Variants in SEC61A2 observed in about 807,000 individuals in gnomAD.
SEC61A2 encodes protein transport protein Sec61 subunit alpha isoform 2.
In SEC61A2, 28 loss-of-function variants were observed where a neutral mutation model predicts 59.9. The observed-to-expected ratio is 0.47, with a 90% CI of 0.35 to 0.64. SEC61A2 has a LOEUF of 0.64. SEC61A2 is among the 30% of genes least tolerant of loss of function. SEC61A2 has a pLI of 0.01. For synonymous variants in SEC61A2, 202 were observed against 214.4 expected (o/e 0.94, Z 0.50); for missense variants, 340 against 585.9 (o/e 0.58, Z 4.33).
At chr10:12,147,880 A>G (rs1834179076) in intron 4 of SEC61A2, among the ~76,000 whole-genome samples, 1 of 151,908 alleles carries the variant, frequency 6.6e-6, no homozygotes, top group African/African-American at 2.4e-5. Context: ...CTATTTCTGG[A>G]CTAGAGCTAT....
rs898333363 is a variant in SEC61A2, at chr10:12,153,575, C to T, written c.463-2203C>T. Among the ~76,000 whole-genome samples, 1 of 152,162 alleles carries T rather than the reference C, an allele frequency of 6.6e-6. No homozygotes were observed. The highest frequency in any genetic ancestry group is 1.5e-5 in the Non-Finnish European group (1 of 68,030). On this transcript the variant is annotated intron_variant, in intron 6 of 11. Transcript: ENST00000298428. The surrounding 1 kb of genome is among the most constrained non-coding windows in gnomAD (Gnocchi z 5.2). ...AGTATTCAGAAATCAGAAATACTTA[C>T]AGTCCAAGAATGAAACAAGTGAAGT...
intron 2 of SEC61A2, among the ~76,000 whole-genome samples, chr10:12,135,835 A>G (rs1440284151): frequency 6.6e-6 from 1 of 152,176 alleles, no homozygotes; most frequent in East Asian, 1.9e-4. Flanking sequence ...CATTATTTAT[A>G]TACAGCATAT....
Position 12,154,210 on chromosome 10 carries a change from A to G in SEC61A2, c.463-1568A>G, listed in dbSNP as rs571255471. On this transcript the variant is annotated intron_variant, in intron 6 of 11. Transcript: ENST00000298428. This position sits in a 1 kb window ranked among gnomAD's most constrained non-coding sequence, Gnocchi z 5.2. ...ATCCCTTTTCACAGGCATGCATGAT[A>G]TTTACTGGCTTTTATTCCCTTAATT... 4.6e-5 allele frequency among the ~76,000 whole-genome samples: 7 copies of G among 152,228 alleles called. 1 individual carries two copies. In the East Asian group the frequency reaches 1.3e-3, roughly 29 times the overall value.
chr10:12,163,565 A>T (rs1834584133), intron 11 of SEC61A2, among the ~76,000 whole-genome samples: 1 of 150,936 alleles, frequency 6.6e-6, no homozygotes, highest in East Asian at 2.0e-4. Context: ...CTAATCATCC[A>T]CCCGCCTTGG....
chr10:12,164,679 T>C lies in SEC61A2; in HGVS notation c.*225T>C, dbSNP rs1320165025. The C allele has an allele frequency of 1.5e-6, 2 of 1,327,804 alleles. No individual in the cohort carries two copies. Among genetic ancestry groups the C allele is most frequent in the South Asian group, 1.8e-5 (1 of 56,432 alleles). 82.3% of individuals were successfully genotyped at this position (1,327,804 alleles called of 1,614,324 possible). On this transcript the variant is annotated 3_prime_UTR_variant, in exon 12 of 12. Coordinates refer to ENST00000298428, the MANE Select transcript of SEC61A2 (RefSeq NM_018144.4). This position sits in a 1 kb window ranked among gnomAD's most constrained non-coding sequence, Gnocchi z 7.3. ...TATTCATTAAAAAAAGTACATCTAG[T>C]GTTGCCTGTAATGCTGGAAACCAGT... is the stretch of plus-strand genomic sequence containing the variant.
Position 12,156,397 on chromosome 10 carries a change from C to T in SEC61A2, c.616+466C>T, listed in dbSNP as rs116362766. Among the ~76,000 whole-genome samples, 116 of 152,314 alleles carry T rather than the reference C, an allele frequency of 7.6e-4. No homozygotes were observed. Among genetic ancestry groups the T allele is most frequent in the African/African-American group, 2.7e-3 (114 of 41,574 alleles). Reference sequence around the variant, plus strand: ...AATATTTCATTCTCTCTTTCCCCTTCCTCATCTCCACTTCTAACAGATACT... The same window carrying T: ...AATATTTCATTCTCTCTTTCCCCTTTCTCATCTCCACTTCTAACAGATACT... On this transcript the variant is annotated intron_variant, in intron 7 of 11. Transcript: ENST00000298428. This position sits in a 1 kb window ranked among gnomAD's most constrained non-coding sequence, Gnocchi z 5.2.
Position 12,136,137 on chromosome 10 carries a change from T to C in SEC61A2, c.108T>C (p.Ala36=), listed in dbSNP as rs1833877420. The change falls in exon 3 of 12, where the codon GCT becomes GCC. Residue 36 remains alanine, a synonymous_variant. Transcript: ENST00000298428. The part of the protein sequence containing the change: ...IQFREKVLWT[A]ITLFIFLVCC... ...TTAGAGAGAAGGTTCTGTGGACTGCTATAACGCTCTTCATTTTCTTAGTGT... is the reference window on the plus strand; with the variant it reads ...TTAGAGAGAAGGTTCTGTGGACTGCCATAACGCTCTTCATTTTCTTAGTGT... The C allele has an allele frequency of 6.2e-7, 1 of 1,603,628 alleles. No individual in the cohort carries two copies. Among genetic ancestry groups the C allele is most frequent in the East Asian group, 2.2e-5 (1 of 44,808 alleles).
At position 12,143,085 on chromosome 10, in the gene SEC61A2, A is replaced by G; in HGVS notation, c.142-32A>G. On this transcript the variant is annotated intron_variant, in intron 3 of 11. Coordinates refer to ENST00000298428, the MANE Select transcript of SEC61A2 (RefSeq NM_018144.4). The surrounding 1 kb of genome is among the most constrained non-coding windows in gnomAD (Gnocchi z 4.8). Reference sequence around the variant, plus strand: ...CTTATGCCTCAGCCTTATATAATACAGTTTCATAAACTATTTTGTGTACTA... The same window carrying G: ...CTTATGCCTCAGCCTTATATAATACGGTTTCATAAACTATTTTGTGTACTA... 1 of 1,526,824 alleles carries G rather than the reference A, an allele frequency of 6.5e-7. No individual in the cohort carries two copies. The highest frequency in any genetic ancestry group is 9.1e-7 in the Non-Finnish European group (1 of 1,100,730). The allele number at this position is 1,526,824 out of a possible 1,614,324, so 94.6% of individuals were successfully genotyped here. A position where few individuals can be genotyped will look rare whatever the true frequency, so the allele number is the denominator to read the frequency against.
At chr10:12,159,070 C>T (rs1001866394) in intron 9 of SEC61A2, among the ~76,000 whole-genome samples, 29 of 151,642 alleles carry the variant, frequency 1.9e-4, no homozygotes, top group Non-Finnish European at 1.6e-4. Context: ...CTCCGCCTCC[C>T]GGGTTCATGC....
chr10:12,158,186 G>A lies in SEC61A2; in HGVS notation c.975+81G>A, dbSNP rs544615309. 1.8e-5 allele frequency: 20 copies of A among 1,095,710 alleles called. No individual in the cohort carries two copies. The South Asian group carries it at 1.9e-4, about 10-fold the overall frequency. 67.9% of individuals were successfully genotyped at this position (1,095,710 alleles called of 1,614,324 possible). Reference sequence around the variant, plus strand: ...GTTGTATTTTTAATGGAATGAGGTCGACATTGGAGCATTTGCTGTATTTTC... The same window carrying A: ...GTTGTATTTTTAATGGAATGAGGTCAACATTGGAGCATTTGCTGTATTTTC... On this transcript the variant is annotated intron_variant, in intron 9 of 11. Transcript: ENST00000298428. This position sits in a 1 kb window ranked among gnomAD's most constrained non-coding sequence, Gnocchi z 5.7.
rs536234273 is a variant in SEC61A2 at position 12,154,387 on chromosome 10, T to C, written c.463-1391T>C. ...AGAATTAGAGTTGTTTCAGAGCTGC[T>C]GTGGGACTCTGGAGAGGTCATTTCT... On this transcript the variant is annotated intron_variant, in intron 6 of 11. Transcript: ENST00000298428. This position sits in a 1 kb window ranked among gnomAD's most constrained non-coding sequence, Gnocchi z 5.2. 6.6e-6 allele frequency among the ~76,000 whole-genome samples: 1 copy of C among 152,298 alleles called. No homozygotes were observed. The highest frequency in any genetic ancestry group is 2.1e-4 in the South Asian group (1 of 4,830).
At position 12,153,703 on chromosome 10, in the gene SEC61A2, G is replaced by A; in HGVS notation, c.463-2075G>A. 1.2e-6 allele frequency: 2 copies of A among 1,603,966 alleles called. No homozygotes were observed. Among genetic ancestry groups the A allele is most frequent in the South Asian group, 1.1e-5 (1 of 88,934 alleles). ...ATAAAGAGGGGTGTCATGTTTGATT[G>A]TAGGTGGGCAGTGACCCATTGGTGT... On this transcript the variant is annotated intron_variant, in intron 6 of 11. Coordinates refer to ENST00000298428, the MANE Select transcript of SEC61A2 (RefSeq NM_018144.4). This position sits in a 1 kb window ranked among gnomAD's most constrained non-coding sequence, Gnocchi z 5.2.
rs2131683566 is a variant in SEC61A2 at position 12,162,841 on chromosome 10, C to G, written c.1244+552C>G. Among the ~76,000 whole-genome samples, 1 of 152,252 alleles carries G rather than the reference C, an allele frequency of 6.6e-6. No individual in the cohort carries two copies. The highest frequency in any genetic ancestry group is 2.4e-5 in the African/African-American group (1 of 41,544). On this transcript the variant is annotated intron_variant, in intron 11 of 11. Coordinates refer to ENST00000298428, the MANE Select transcript of SEC61A2 (RefSeq NM_018144.4). The surrounding 1 kb of genome is among the most constrained non-coding windows in gnomAD (Gnocchi z 6.1). ...ACAGCCACTTTTAACTTTGTCTCTA[C>G]AGATTTGCCTATTCTGTACATTTCA...
rs771055166 is a variant in SEC61A2 at position 12,160,958 on chromosome 10, C to A, written c.1004C>A (p.Ser335Tyr). The A allele has an allele frequency of 2.5e-6, 4 of 1,613,872 alleles. No individual in the cohort carries two copies. Among genetic ancestry groups the A allele is most frequent in the Non-Finnish European group, 3.4e-6 (4 of 1,179,954 alleles). Residue 335 changes from serine to tyrosine, a missense_variant, in exon 10 of 12, where the codon TCT (serine) becomes TAT (tyrosine). Coordinates refer to ENST00000298428, the MANE Select transcript of SEC61A2 (RefSeq NM_018144.4). This position sits in a 1 kb window ranked among gnomAD's most constrained non-coding sequence, Gnocchi z 4.1. ...ADVSGGGPARSYPVGGLCYYL... is the reference protein window; with the variant it reads ...ADVSGGGPARYYPVGGLCYYL... ...GTCAGTGGGGGAGGACCCGCACGTT[C>A]TTACCCAGTTGGAGGCCTTTGTTAC...
chr10:12,130,161 A>G (rs1200376959), intron 1 of SEC61A2, among the ~76,000 whole-genome samples: 1 of 152,166 alleles, frequency 6.6e-6, no homozygotes, highest in Non-Finnish European at 1.5e-5. Flanking sequence ...TTTCCTTGGC[A>G]TGTTGCATTG....
chr10:12,155,091 ATAAAT>A lies in SEC61A2; in HGVS notation c.463-682_463-678del. Among the ~76,000 whole-genome samples the A allele has an allele frequency of 6.6e-6, 1 of 152,348 alleles. No individual in the cohort carries two copies. Among genetic ancestry groups the A allele is most frequent in the East Asian group, 1.9e-4 (1 of 5,188 alleles). On this transcript the variant is annotated intron_variant, in intron 6 of 11. Coordinates refer to ENST00000298428, the MANE Select transcript of SEC61A2 (RefSeq NM_018144.4). The surrounding 1 kb of genome is among the most constrained non-coding windows in gnomAD (Gnocchi z 4.3). ...GCAAGTTCAGAATTTTCAATATCCC[ATAAAT>A]TAAAGTCAGTATGCTTTCATTTTTA...
Position 12,145,131 on chromosome 10 carries a change from A to G in SEC61A2, c.220+1936A>G, listed in dbSNP as rs79987040. ...GAGGAGTGATGGGACCTGATGTTGC[A>G]GATGTATCTAAGTCAGATCATGAAG... On this transcript the variant is annotated intron_variant, in intron 4 of 11. Coordinates refer to ENST00000298428, the MANE Select transcript of SEC61A2 (RefSeq NM_018144.4). The surrounding 1 kb of genome is among the most constrained non-coding windows in gnomAD (Gnocchi z 4.4). Among the ~76,000 whole-genome samples, 1,219 of 152,218 alleles carry G rather than the reference A, an allele frequency of 8.0e-3. 45 individuals carry two copies. In the East Asian group the frequency reaches 0.093, roughly 12 times the overall value.
chr10:12,164,742 G>A lies in SEC61A2; in HGVS notation c.*288G>A, dbSNP rs1051306380. 3.5e-5 allele frequency: 41 copies of A among 1,163,114 alleles called. No individual in the cohort carries two copies. Among genetic ancestry groups the A allele is most frequent in the Middle Eastern group, 3.6e-4 (1 of 2,810 alleles). The allele number at this position is 1,163,114 out of a possible 1,614,324, so 72.0% of individuals were successfully genotyped here. ...CTGTGTTAAATCATGACAGTGAGACGGTGAGATGGATTCGTTTTGCACACA... is the reference window on the plus strand; with the variant it reads ...CTGTGTTAAATCATGACAGTGAGACAGTGAGATGGATTCGTTTTGCACACA... On this transcript the variant is annotated 3_prime_UTR_variant, in exon 12 of 12. Coordinates refer to ENST00000298428, the MANE Select transcript of SEC61A2 (RefSeq NM_018144.4). The surrounding 1 kb of genome is among the most constrained non-coding windows in gnomAD (Gnocchi z 7.3).
At chr10:12,140,787 A>T (rs1298926604) in intron 3 of SEC61A2, among the ~76,000 whole-genome samples, 3 of 151,652 alleles carry the variant, frequency 2.0e-5, no homozygotes. Flanking sequence ...TTTTTAGTAG[A>T]GATGGGGTTT....
Sources: gnomAD v4.1 joint callset for allele counts (sites outside exome capture counted in the v4.1 genomes callset) on GRCh38, gnomAD v4.1.1 for gene constraint, Gnocchi (gnomAD v3.1) non-coding constraint, MANE v1.5 for transcripts, NCBI Gene and HGNC (gene_info 2026-07-23, HGNC 2026-07-21) for gene names.